ACSM3: variants seen among roughly 807,000 people sequenced by gnomAD.
ACSM3 encodes acyl-CoA synthetase medium chain family member 3.
ACSM3 carries 61 observed loss-of-function variants against 74.1 expected under a neutral mutation model. That is an observed-to-expected ratio of 0.82 (90% confidence interval 0.67 to 1.02). ACSM3 has a LOEUF of 1.02. Among genes scored for constraint, ACSM3 ranks in the 50% least tolerant of loss-of-function variants. The pLI is 0.00. For synonymous variants in ACSM3, 213 were observed against 241.5 expected, an observed-to-expected ratio of 0.88 and a Z score of 1.09; for missense variants, 660 against 697.0, an observed-to-expected ratio of 0.95 and a Z score of 0.60.
At chr16:20,712,912 C>CA (rs1023535477) in intron 1 of ACSM3, among the ~76,000 whole-genome samples, 1,081 of 80,818 alleles carry the variant, frequency 0.013, 8 homozygotes, top group Non-Finnish European at 0.02. Flanking sequence ...GACTCTGTCT[C>CA]AAAAAAAAAA....
intron 1 of ACSM3, among the ~76,000 whole-genome samples, chr16:20,767,965 A>G (rs931344969): frequency 3.3e-5 from 5 of 152,242 alleles, no homozygotes; most frequent in African/African-American, 1.2e-4. Flanking sequence ...GAACACAGCC[A>G]TGCCAAAATT....
At chr16:20,717,530 G>A (rs932519529) in intron 1 of ACSM3, among the ~76,000 whole-genome samples, 2 of 152,326 alleles carry the variant, frequency 1.3e-5, no homozygotes, top group Middle Eastern at 3.4e-3. Flanking sequence ...ATCAAAAGGT[G>A]CCAGCTGAAG....
intron 5 of ACSM3, 40 bp from the exon 6 acceptor site, chr16:20,780,934 A>G (rs760814889): frequency 3.7e-6 from 6 of 1,612,254 alleles, no homozygotes; most frequent in Non-Finnish European, 2.5e-6. Flanking sequence ...TTTTATATTT[A>G]TTTTCCTATG....
chr16:20,788,848 G>C (rs2080531221), intron 9 of ACSM3, among the ~76,000 whole-genome samples: 3 of 152,080 alleles, frequency 2.0e-5, no homozygotes, highest in Admixed American at 2.0e-4. Context: ...TATTTCTTTA[G>C]ATAACTGGGT....
At chr16:20,760,197 G>A (rs1420458812), upstream of ACSM3, among the ~76,000 whole-genome samples, 3 of 152,114 alleles carry the variant, frequency 2.0e-5, no homozygotes, top group Non-Finnish European at 2.9e-5. Context: ...GAAAATCAAA[G>A]TCTTTTACCC....
chr16:20,740,065 G>A (rs2079903881), intron 1 of ACSM3, among the ~76,000 whole-genome samples: 1 of 152,058 alleles, frequency 6.6e-6, no homozygotes. Context: ...CCTTACTCTT[G>A]TTCTATTAAG....
chr16:20,744,542 G>A (rs989145064), intron 1 of ACSM3, among the ~76,000 whole-genome samples: 1 of 152,058 alleles, frequency 6.6e-6, no homozygotes, highest in Non-Finnish European at 1.5e-5. Context: ...ATGCCACCAC[G>A]GCCAACTAAT....
chr16:20,714,996 G>GATAC (rs917087465), intron 1 of ACSM3, among the ~76,000 whole-genome samples: 1 of 90,510 alleles, frequency 1.1e-5, no homozygotes, highest in Non-Finnish European at 3.1e-5. Flanking sequence ...ATAGACGAAA[G>GATAC]ATAGATAGAT....
intron 2 of ACSM3, chr16:20,750,131 CA>C (rs1022625898): frequency 1.3e-5 from 2 of 151,992 alleles, no homozygotes; most frequent in Non-Finnish European, 2.9e-5. Flanking sequence ...AGGGGGAAAA[CA>C]AAAATTGGGG....
intron 1 of ACSM3, among the ~76,000 whole-genome samples, chr16:20,713,162 A>T (rs1203113023): frequency 2.0e-5 from 3 of 152,164 alleles, no homozygotes; most frequent in African/African-American, 7.2e-5. Flanking sequence ...TACAATGGAG[A>T]TAATGATAGT....
intron 1 of ACSM3, chr16:20,733,575 A>C (rs1385135911): frequency 2.0e-5 from 3 of 152,004 alleles, no homozygotes; most frequent in Admixed American, 2.0e-4. Context: ...TTATAATTTG[A>C]CATATAAACA....
chr16:20,702,162 G>T (rs1294288184), intron 1 of ACSM3, among the ~76,000 whole-genome samples: 1 of 152,210 alleles, frequency 6.6e-6, no homozygotes, highest in African/African-American at 2.4e-5. Flanking sequence ...CCCACCAACA[G>T]TGTAGAAGTG....
Position 20,777,486 on chromosome 16 carries a change from G to T in ACSM3, c.544G>T (p.Asp182Tyr). The change falls in exon 4 of 14, where the codon GAC (aspartate) becomes TAC (tyrosine). Residue 182 changes from aspartate to tyrosine, a missense_variant. Asp to Tyr is a radical substitution (Grantham distance 160). Coordinates refer to ENST00000289416, the MANE Select transcript of ACSM3 (RefSeq NM_005622.4). The part of the protein sequence containing the change: ...ITNDVLAPAV[D>Y]AVASKCENLH... The stretch of plus-strand genomic sequence containing the variant: ...CAATGATGTTTTAGCCCCAGCAGTA[G>T]ACGCTGTTGCATCCAAATGTGAAAA... The T allele has an allele frequency of 3.1e-6, 5 of 1,614,072 alleles. No individual in the cohort carries two copies. The highest frequency in any genetic ancestry group is 4.2e-6 in the Non-Finnish European group (5 of 1,179,998).
intron 7 of ACSM3, 29 bp from the exon 8 acceptor site, chr16:20,784,955 A>T (rs1236629942): frequency 6.3e-7 from 1 of 1,593,324 alleles, no homozygotes; most frequent in South Asian, 1.1e-5. Flanking sequence ...TTTTCCTCCT[A>T]AATCTAACTT....
At chr16:20,729,205 C>T in intron 1 of ACSM3, 1 of 761,766 alleles carries the variant, frequency 1.3e-6, no homozygotes, top group Non-Finnish European at 2.4e-6. Flanking sequence ...CAAACTAATC[C>T]CCAAATGTCA....
intron 1 of ACSM3, among the ~76,000 whole-genome samples, chr16:20,700,707 G>A (rs2079710813): frequency 6.6e-6 from 1 of 152,024 alleles, no homozygotes; most frequent in Non-Finnish European, 1.5e-5. Flanking sequence ...GTGCATGGAA[G>A]TCTCGTGAAG....
rs149124153 is a variant in ACSM3 at position 20,741,643 on chromosome 16, C to T, written c.-189-8267C>T. ...GGCTCTAGCTGACGGGGCCCGCCAG[C>T]GTCGCAGCGCCGAGCGCGCTTGGCC... On this transcript the variant is annotated intron_variant, in intron 1 of 3. Transcript: ENST00000561584. The T allele has an allele frequency of 3.7e-4, 580 of 1,582,650 alleles. 5 individuals carry two copies. In the African/African-American group the frequency reaches 6.7e-3, roughly 18 times the overall value.
In ACSM3 at chr16:20,777,377, A is replaced by C; in HGVS notation, c.435A>C (p.Thr145=). The change falls in exon 4 of 14, where the codon ACA becomes ACC. Residue 145 remains threonine, a synonymous_variant. Transcript: ENST00000289416. Reference sequence around the variant, plus strand: ...GTTTCTTTTCTGCCCCTTTAGGGACAGTTTTAATTCCAGGAACCACTCAGC... The same window carrying C: ...GTTTCTTTTCTGCCCCTTTAGGGACCGTTTTAATTCCAGGAACCACTCAGC... ...LANVACLRTG[T]VLIPGTTQLT... The C allele has an allele frequency of 1.2e-6, 2 of 1,613,390 alleles. No homozygotes were observed. The highest frequency in any genetic ancestry group is 2.2e-5 in the South Asian group (2 of 91,002).
At chr16:20,709,523 C>G (rs1467835137) in intron 1 of ACSM3, among the ~76,000 whole-genome samples, 1 of 152,158 alleles carries the variant, frequency 6.6e-6, no homozygotes. Context: ...AACCCTGAAG[C>G]TAGAGGTCAA....
Sources: allele counts gnomAD v4.1 joint callset (sites outside exome capture counted in the v4.1 genomes callset), GRCh38; gene constraint gnomAD v4.1.1; transcripts MANE v1.5; gene names NCBI Gene and HGNC (gene_info 2026-07-23, HGNC 2026-07-21).